Variants in FN3K observed in about 807,000 individuals in gnomAD.
FN3K encodes the protein fructosamine-3-kinase.
Under a neutral mutation model 24.8 loss-of-function variants are expected in FN3K, and 24 were observed. The observed-to-expected ratio is 0.97, with a 90% CI of 0.70 to 1.36. FN3K has a LOEUF of 1.36. Among genes scored for constraint, FN3K ranks in the 40% most tolerant of loss-of-function variants. FN3K has a pLI of 0.00. For missense variants in FN3K, 449 were observed against 416.7 expected (o/e 1.08, Z -0.67); for synonymous variants, 192 against 175.2 (o/e 1.10, Z -0.76).
chr17:82,749,142 T>G (rs2046986179), intron 5 of FN3K, 165 bp downstream of exon 5: 1 of 1,087,668 alleles, frequency 9.2e-7, no homozygotes. Flanking sequence ...CAAAAGGGAG[T>G]CCGAAAGGAG....
Position 82,750,959 on chromosome 17 carries a change from C to CTGTT in FN3K, c.*204_*205insTGTT. On this transcript the variant is annotated 3_prime_UTR_variant, in exon 6 of 6. Coordinates refer to ENST00000300784, the MANE Select transcript of FN3K (RefSeq NM_022158.4). ...ATCCCTGTCCCCCGTCCCCCTGTCC[C>CTGTT]CCTGTCCACATACCAATCCCCCTGT... The CTGTT allele has an allele frequency of 3.8e-6, 1 of 264,886 alleles. No homozygotes were observed. The highest frequency in any genetic ancestry group is 2.4e-5 in the South Asian group (1 of 41,792). 16.4% of individuals were successfully genotyped at this position (264,886 alleles called of 1,614,324 possible). A position where few individuals can be genotyped will look rare whatever the true frequency, so the allele number is the denominator to read the frequency against.
chr17:82,735,783 G>A lies in FN3K; in HGVS notation c.141+6G>A. 1 of 1,558,406 alleles carries A rather than the reference G, an allele frequency of 6.4e-7. No individual in the cohort carries two copies. Among genetic ancestry groups the A allele is most frequent in the Non-Finnish European group, 8.7e-7 (1 of 1,153,114 alleles). On this transcript the variant is annotated splice_donor_region_variant and intron_variant, in intron 1 of 5. Coordinates refer to ENST00000300784, the MANE Select transcript of FN3K (RefSeq NM_022158.4). Reference sequence around the variant, plus strand: ...AAGTCAACCGCAGGACGCAGGTGCTGGCCCGTGCGCAGGCGGGGGCTCTGC... The same window carrying A: ...AAGTCAACCGCAGGACGCAGGTGCTAGCCCGTGCGCAGGCGGGGGCTCTGC...
At chr17:82,739,749 G>T (rs1024446289) in intron 2 of FN3K, among the ~76,000 whole-genome samples, 1 of 151,966 alleles carries the variant, frequency 6.6e-6, no homozygotes, top group East Asian at 1.9e-4. Context: ...GAGCCACCGC[G>T]CCCGGCCTAA....
intron 5 of FN3K, chr17:82,749,415 A>G (rs1423569104): frequency 1.9e-5 from 6 of 313,680 alleles, no homozygotes; most frequent in Non-Finnish European, 6.2e-6. Flanking sequence ...CTGTAATCGC[A>G]GCATTTGGGA....
At chr17:82,737,964 C>T (rs948130058) in intron 1 of FN3K, 8 of 162,306 alleles carry the variant, frequency 4.9e-5, no homozygotes, top group African/African-American at 7.2e-5. Context: ...CCAGGTCCCA[C>T]GGGAGGCGTT....
At chr17:82,748,387 T>G (rs888887633) in intron 4 of FN3K, among the ~76,000 whole-genome samples, 2 of 152,180 alleles carry the variant, frequency 1.3e-5, no homozygotes, top group Non-Finnish European at 2.9e-5. Context: ...GCTCAAGGGA[T>G]CTGCCCACCT....
At chr17:82,745,852 G>A (rs1223242731) in intron 4 of FN3K, 3 of 152,126 alleles carry the variant, frequency 2.0e-5, no homozygotes, top group African/African-American at 7.2e-5. Flanking sequence ...CCAGCACTTT[G>A]GGAGGCTGAG....
chr17:82,748,210 G>A (rs541504317), intron 4 of FN3K, among the ~76,000 whole-genome samples: 30 of 150,604 alleles, frequency 2.0e-4, no homozygotes, highest in Non-Finnish European at 3.5e-4. Flanking sequence ...GTGCAATGGC[G>A]CGATCTCGGC....
At position 82,745,120 on chromosome 17, in the gene FN3K, C is replaced by T. The variant is rs568764639; in HGVS notation, c.468+3727C>T. 500 of 156,300 alleles carry T rather than the reference C, an allele frequency of 3.2e-3. 5 individuals carry two copies. The highest frequency in any genetic ancestry group is 0.011 in the African/African-American group (463 of 41,600). 9.7% of individuals were successfully genotyped at this position (156,300 alleles called of 1,614,324 possible). A position where few individuals can be genotyped will look rare whatever the true frequency, so the allele number is the denominator to read the frequency against. On this transcript the variant is annotated intron_variant, in intron 4 of 5. Coordinates refer to ENST00000300784, the MANE Select transcript of FN3K (RefSeq NM_022158.4). The stretch of plus-strand genomic sequence containing the variant: ...GGACGGTCAGGTCTTTCCCTTCCTA[C>T]GAGGCCATATTTCAGACTGTCACAT...
chr17:82,750,384 G>T, intron 5 of FN3K, 33 bp from the exon 6 acceptor site: 4 of 1,588,286 alleles, frequency 2.5e-6, no homozygotes, highest in Non-Finnish European at 3.5e-6. Flanking sequence ...GGCTCCCAGA[G>T]GCCAGCGATA....
At chr17:82,738,928 ATATATATATATATATATATTTT>A (rs2046923325) in intron 2 of FN3K, among the ~76,000 whole-genome samples, 7 of 21,556 alleles carry the variant, frequency 3.2e-4, no homozygotes, top group Admixed American at 6.1e-4. Context: ...ATATACACAT[ATATATATATATATATATATTTT>A]TTTTTTTTTT....
chr17:82,735,843 G>A, intron 1 of FN3K, 66 bp downstream of exon 1: 1 of 1,517,626 alleles, frequency 6.6e-7, no homozygotes, highest in Non-Finnish European at 8.8e-7. Flanking sequence ...CGGAGGGGTC[G>A]GGGGCAGGCG....
In FN3K at chr17:82,741,313, C is replaced by G; in HGVS notation, c.388C>G (p.Arg130Gly). 4 of 1,613,576 alleles carry G rather than the reference C, an allele frequency of 2.5e-6. No homozygotes were observed. The highest frequency in any genetic ancestry group is 3.4e-6 in the Non-Finnish European group (4 of 1,179,796). The change falls in exon 4 of 6, where the codon CGA (arginine) becomes GGA (glycine). Residue 130 changes from arginine (R) to glycine (G), a missense_variant and splice_region_variant. Transcript: ENST00000300784. ...KLKEEENTVGRRGEGAEPQYV... is the reference protein window; with the variant it reads ...KLKEEENTVGGRGEGAEPQYV... ...AGGCCAAGGATCTCTGTCAACAGGC[C>G]GAAGAGGTGAGGGTGCTGAGCCTCA...
chr17:82,750,676 A>C lies in FN3K; in HGVS notation c.851A>C (p.Asn284Thr). Residue 284 changes from asparagine to threonine, a missense_variant, in exon 6 of 6, where the codon AAC becomes ACC. Physicochemically the swap from Asn to Thr is moderately conservative, Grantham distance 65 (BLOSUM62 0). Transcript: ENST00000300784. Reference sequence around the variant, plus strand: ...CGGCTGCTGCTCTACCAGCTGTTTAACTACCTGAACCACTGGAACCACTTC... The same window carrying C: ...CGGCTGCTGCTCTACCAGCTGTTTACCTACCTGAACCACTGGAACCACTTC... Reference protein sequence around the residue: ...DQRLLLYQLFNYLNHWNHFGR... With the variant: ...DQRLLLYQLFTYLNHWNHFGR... 6.2e-7 allele frequency: 1 copy of C among 1,613,830 alleles called. No homozygotes were observed. The highest frequency in any genetic ancestry group is 8.5e-7 in the Non-Finnish European group (1 of 1,179,970).
At chr17:82,748,320 T>C (rs2046980121) in intron 4 of FN3K, among the ~76,000 whole-genome samples, 1 of 152,092 alleles carries the variant, frequency 6.6e-6, no homozygotes, top group Non-Finnish European at 1.5e-5. Flanking sequence ...GCTAATTTTG[T>C]ATTTTTAGTA....
intron 4 of FN3K, chr17:82,745,009 C>G (rs772657670): frequency 3.9e-5 from 6 of 152,190 alleles, no homozygotes; most frequent in Non-Finnish European, 7.3e-5. Context: ...AGACAGATGC[C>G]TTCCTCTTGT....
At chr17:82,739,396 C>T (rs1296581523) in intron 2 of FN3K, among the ~76,000 whole-genome samples, 1 of 151,696 alleles carries the variant, frequency 6.6e-6, no homozygotes, top group Non-Finnish European at 1.5e-5. Flanking sequence ...TCAAGCAATT[C>T]TCTTGTCTCA....
chr17:82,742,331 A>G lies in FN3K; in HGVS notation c.468+938A>G, dbSNP rs560993364. Among the ~76,000 whole-genome samples the G allele has an allele frequency of 3.9e-5, 6 of 152,278 alleles. No homozygotes were observed. The East Asian group carries it at 5.8e-4, about 15-fold the overall frequency. On this transcript the variant is annotated intron_variant, in intron 4 of 5. Coordinates refer to ENST00000300784, the MANE Select transcript of FN3K (RefSeq NM_022158.4). ...GCTGGGATTACAGGTGTGAGCCACC[A>G]TGCCTGGCCAGAACATTTTCATTAT...
At chr17:82,741,910 C>T (rs1355222483) in intron 4 of FN3K, among the ~76,000 whole-genome samples, 1 of 152,048 alleles carries the variant, frequency 6.6e-6, no homozygotes, top group Non-Finnish European at 1.5e-5. Flanking sequence ...CTTTTCTTTT[C>T]TTTTTTATTT....
Sources: allele counts gnomAD v4.1 joint callset (sites outside exome capture counted in the v4.1 genomes callset), GRCh38; gene constraint gnomAD v4.1.1; transcripts MANE v1.5; gene names NCBI Gene and HGNC (gene_info 2026-07-23, HGNC 2026-07-21).